IL7: variants seen among roughly 807,000 people sequenced by gnomAD.
The protein encoded by IL7 is interleukin-7.
In IL7, 3 loss-of-function variants were observed where a neutral mutation model predicts 21.6. The ratio of observed to expected loss-of-function variants is 0.14; its 90% CI spans 0.06 to 0.36. The LOEUF is 0.36. IL7 is among the 10% of genes least tolerant of loss of function. The probability of loss-of-function intolerance (pLI) is 1.00; values close to 1 mark genes in which losing one functional copy is unlikely to be tolerated. For missense variants in IL7, 175 were observed against 200.2 expected (o/e 0.87, Z 0.76); for synonymous variants, 62 against 68.1 (o/e 0.91, Z 0.44).
chr8:78,733,986 T>C (rs1811493817), intron 5 of IL7, among the ~76,000 whole-genome samples, 154 bp from the exon 6 acceptor site: 1 of 152,184 alleles, frequency 6.6e-6, no homozygotes, highest in Non-Finnish European at 1.5e-5. Context: ...GATTTCTAAC[T>C]ATCTTTGTGA....
chr8:78,795,918 A>G (rs993755531), intron 2 of IL7, among the ~76,000 whole-genome samples: 1 of 152,050 alleles, frequency 6.6e-6, no homozygotes, highest in Non-Finnish European at 1.5e-5. Context: ...ATAACACTAA[A>G]TTCCTCAAGG....
intron 2 of IL7, among the ~76,000 whole-genome samples, chr8:78,746,057 A>G (rs1811968714): frequency 6.6e-6 from 1 of 152,192 alleles, no homozygotes; most frequent in South Asian, 2.1e-4. Context: ...TCTTAATTCA[A>G]TCACATCTGT....
chr8:78,747,627 TAGCAG>T (rs760075675), intron 2 of IL7, among the ~76,000 whole-genome samples: 10 of 152,232 alleles, frequency 6.6e-5, no homozygotes, highest in Non-Finnish European at 1.3e-4. Context: ...TCAGGTAGCT[TAGCAG>T]ATTATAGTAT....
chr8:78,735,276 C>CTTTTTTTTTTTTTTTTTTT, intron 5 of IL7, among the ~76,000 whole-genome samples: 58 of 78,310 alleles, frequency 7.4e-4, no homozygotes, highest in Admixed American at 8.9e-4. Flanking sequence ...CTTTTCTTTT[C>CTTTTTTTTTTTTTTTTTTT]TTTTTTTTTT....
chr8:78,758,309 G>A lies in IL7; in HGVS notation c.148-18227C>T, dbSNP rs187386053. On this transcript the variant is annotated intron_variant, in intron 2 of 5. Coordinates refer to ENST00000263851, the MANE Select transcript of IL7 (RefSeq NM_000880.4). ...AGAACTTACTACTGTCATTTTGATA[G>A]CTGTTTTCTGAATGTTCTGTATATC... Among the ~76,000 whole-genome samples, 362 of 152,106 alleles carry A rather than the reference G, an allele frequency of 2.4e-3. 2 individuals carry two copies. The highest frequency in any genetic ancestry group is 8.2e-3 in the African/African-American group (339 of 41,522).
At chr8:78,739,691 CAAA>C (rs1218578846) in intron 3 of IL7, among the ~76,000 whole-genome samples, 1 of 97,204 alleles carries the variant, frequency 1.0e-5, no homozygotes, top group Admixed American at 1.1e-4. Context: ...ACTCTGCCTC[CAAA>C]AAAAAAAACA....
intron 4 of IL7, among the ~76,000 whole-genome samples, chr8:78,677,139 T>G (rs909378519): frequency 2.0e-5 from 3 of 152,142 alleles, no homozygotes; most frequent in Non-Finnish European, 4.4e-5. Flanking sequence ...GAGGTTTTAT[T>G]TTTTCCCAAA....
Position 78,760,212 on chromosome 8 carries a change from G to A in IL7, c.148-20130C>T, listed in dbSNP as rs537658993. ...CTTACTTGTATAGAGTTTAATATAT[G>A]TGTCCACCATTAAATCCAGGTCGTG... is the stretch of plus-strand genomic sequence containing the variant. On this transcript the variant is annotated intron_variant, in intron 2 of 5. Coordinates refer to ENST00000263851, the MANE Select transcript of IL7 (RefSeq NM_000880.4). The A allele has an allele frequency of 4.3e-4, 678 of 1,588,086 alleles. 4 individuals carry two copies. The African/African-American group carries it at 8.1e-3, about 19-fold the overall frequency.
intron 4 of IL7, chr8:78,678,585 A>G (rs1410306123): frequency 6.2e-7 from 1 of 1,611,454 alleles, no homozygotes. Flanking sequence ...CCCATTTGCC[A>G]GAAGACTGCA....
At chr8:78,778,530 T>C (rs1412795871) in intron 2 of IL7, among the ~76,000 whole-genome samples, 2 of 152,196 alleles carry the variant, frequency 1.3e-5, no homozygotes, top group Non-Finnish European at 2.9e-5. Flanking sequence ...TTTGTCAGGT[T>C]TGTCAAAGAT....
intron 4 of IL7, among the ~76,000 whole-genome samples, chr8:78,677,458 A>G (rs1031150503): frequency 1.3e-5 from 2 of 152,170 alleles, no homozygotes; most frequent in African/African-American, 4.8e-5. Context: ...GAAAAGAATT[A>G]GTATGGGAGA....
rs545920983 is a variant in IL7 at position 78,804,102 on chromosome 8, G to C, written c.10+811C>G. ...CAGTAAGTTTTTTGGCTCTTTCATTGGTCATATATGACTGCCATCCGAATC... is the reference window on the plus strand; with the variant it reads ...CAGTAAGTTTTTTGGCTCTTTCATTCGTCATATATGACTGCCATCCGAATC... On this transcript the variant is annotated intron_variant, in intron 1 of 5. Coordinates refer to ENST00000263851, the MANE Select transcript of IL7 (RefSeq NM_000880.4). Among the ~76,000 whole-genome samples the C allele has an allele frequency of 5.9e-5, 9 of 151,692 alleles. No homozygotes were observed. In the South Asian group the frequency reaches 1.7e-3, roughly 28 times the overall value.
chr8:78,698,507 A>G lies in IL7; in HGVS notation n.215-12560T>C, dbSNP rs1810504114. 3 of 1,605,324 alleles carry G rather than the reference A, an allele frequency of 1.9e-6. No homozygotes were observed. Among genetic ancestry groups the G allele is most frequent in the South Asian group, 1.1e-5 (1 of 90,234 alleles). On this transcript the variant is annotated intron_variant and non_coding_transcript_variant, in intron 3 of 4. Coordinates refer to the IL7 transcript ENST00000523959. Reference sequence around the variant, plus strand: ...TCTCATAAAGGGATAGCAGCCCCTCATGCAGGGTAAGTCTACACTGGATAT... The same window carrying G: ...TCTCATAAAGGGATAGCAGCCCCTCGTGCAGGGTAAGTCTACACTGGATAT...
chr8:78,690,162 C>G (rs1400902391), intron 3 of IL7, among the ~76,000 whole-genome samples: 1 of 151,464 alleles, frequency 6.6e-6, no homozygotes, highest in African/African-American at 2.4e-5. Context: ...TGATTTATAT[C>G]CCTGTCCTTT....
In IL7 at chr8:78,721,957, G is replaced by T. The variant is rs577606894; in HGVS notation, n.268-517C>A. 2.6e-5 allele frequency among the ~76,000 whole-genome samples: 4 copies of T among 151,948 alleles called. 1 individual carries two copies. The South Asian group carries it at 8.3e-4, about 31-fold the overall frequency. On this transcript the variant is annotated intron_variant and non_coding_transcript_variant, in intron 3 of 6. Transcript: ENST00000519833. ...TAAATAATTTTAATGGAATCACAAG[G>T]TTGTTTTATTGCTAAGATAAAAATT...
At chr8:78,718,363 A>G (rs1207051558) in intron 6 of IL7, 1 of 151,968 alleles carries the variant, frequency 6.6e-6, no homozygotes, top group African/African-American at 2.4e-5. Context: ...GCAAAATCTT[A>G]CATGTTTAAA....
At position 78,733,403 on chromosome 8, in the gene IL7, C is replaced by T. The variant is rs774205195; in HGVS notation, c.*310G>A. 1.4e-5 allele frequency: 3 copies of T among 209,442 alleles called. No homozygotes were observed. Among genetic ancestry groups the T allele is most frequent in the Non-Finnish European group, 1.9e-5 (2 of 106,220 alleles). 13.0% of individuals were successfully genotyped at this position (209,442 alleles called of 1,614,324 possible). ...GATTTAATGTCTTGAAATATTTAAA[C>T]AGGTTTGAGAAGTATTATTGCAACT... On this transcript the variant is annotated 3_prime_UTR_variant, in exon 6 of 6. Coordinates refer to ENST00000263851, the MANE Select transcript of IL7 (RefSeq NM_000880.4).
chr8:78,794,829 T>C (rs1319325902), intron 2 of IL7, among the ~76,000 whole-genome samples: 1 of 152,092 alleles, frequency 6.6e-6, no homozygotes, highest in Non-Finnish European at 1.5e-5. Flanking sequence ...CACCAATCTT[T>C]AACACTCACC....
intron 2 of IL7, among the ~76,000 whole-genome samples, chr8:78,764,584 C>T (rs1441314301): frequency 6.6e-6 from 1 of 151,768 alleles, no homozygotes; most frequent in Non-Finnish European, 1.5e-5. Flanking sequence ...TTTATGTTAG[C>T]AGCCCTAAAA....
Sources: allele counts gnomAD v4.1 joint callset (sites outside exome capture counted in the v4.1 genomes callset), GRCh38; gene constraint gnomAD v4.1.1; transcripts MANE v1.5; gene names NCBI Gene and HGNC (gene_info 2026-07-23, HGNC 2026-07-21).